The following SYNM variants were observed in gnomAD, a reference collection of about 807,000 sequenced individuals.
SYNM encodes synemin.
SYNM carries 95 observed loss-of-function variants against 104.0 expected under a neutral mutation model. That is an observed-to-expected ratio of 0.91 (90% CI 0.77 to 1.08). The LOEUF (loss-of-function observed/expected upper bound fraction) is 1.08, where lower values mean the gene tolerates loss of function less well. Among genes scored for constraint, SYNM ranks in the 50% least tolerant of loss-of-function variants. The pLI, the probability that SYNM is intolerant of heterozygous loss-of-function variation, is 0.00. For missense variants in SYNM, 2,150 were observed against 2,052.2 expected (o/e 1.05, Z -0.92); for synonymous variants, 918 against 869.0 (o/e 1.06, Z -0.99).
chr15:99,130,623 T>TA lies in SYNM; in HGVS notation c.2264dup (p.Tyr755Ter). Residue 755 changes from tyrosine (Y) to a stop codon, truncating the protein, a stop_gained and frameshift_variant, in exon 4 of 4, where the codon TAT (tyrosine) becomes TAAT (stop). Coordinates refer to ENST00000336292, the MANE Select transcript of SYNM (RefSeq NM_145728.3). LOFTEE classifies it high-confidence loss of function. ...GGAGATCGTGGAGGAGCCCGTGAGT[T>TA]ATGTCAGCGGGGAGAAGCCGGAGGA... ...NVEIVEEPVS[Y>*]VSGEKPEEFS... 2 of 1,613,348 alleles carry TA rather than the reference T, an allele frequency of 1.2e-6. No homozygotes were observed. Among genetic ancestry groups the TA allele is most frequent in the Non-Finnish European group, 1.7e-6 (2 of 1,179,662 alleles).
Position 99,129,495 on chromosome 15 carries a change from T to TC in SYNM, c.1136dup (p.Gly380ArgfsTer14), listed in dbSNP as rs2067477288. 6.2e-7 allele frequency: 1 copy of TC among 1,613,874 alleles called. No homozygotes were observed. The highest frequency in any genetic ancestry group is 1.3e-5 in the African/African-American group (1 of 74,908). On this transcript the variant is annotated frameshift_variant, in exon 4 of 4. Transcript: ENST00000336292. LOFTEE classifies it low-confidence loss of function (END_TRUNC). ...CAGCTCGGCACTGTATTCTAACCTGTCAGGGCACCGTGGATCTCAGACGGG... is the reference window on the plus strand; with the variant it reads ...CAGCTCGGCACTGTATTCTAACCTGTCCAGGGCACCGTGGATCTCAGACGGG...
In SYNM at chr15:99,106,020, G is replaced by C. The variant is rs1356781281; in HGVS notation, c.810+11G>C. The C allele has an allele frequency of 5.6e-6, 8 of 1,439,412 alleles. No individual in the cohort carries two copies. The East Asian group carries it at 1.6e-4, about 29-fold the overall frequency. The allele number at this position is 1,439,412 out of a possible 1,614,324, so 89.2% of individuals were successfully genotyped here. On this transcript the variant is annotated intron_variant, in intron 1 of 3. Transcript: ENST00000336292. ...GCCGAGGAGCGGCAGGTCCGTGCGC[G>C]GGGATGGCGCGCTGACCCCATACCC...
chr15:99,111,542 T>C (rs2067299743), intron 1 of SYNM, among the ~76,000 whole-genome samples: 1 of 152,232 alleles, frequency 6.6e-6, no homozygotes, highest in African/African-American at 2.4e-5. Context: ...TCTCTGTTTG[T>C]AATGCCAGCT....
chr15:99,106,268 C>T (rs566235991), intron 1 of SYNM, among the ~76,000 whole-genome samples: 3 of 152,200 alleles, frequency 2.0e-5, no homozygotes, highest in Non-Finnish European at 4.4e-5. Context: ...GCTGCTTTAA[C>T]TCTTGACAAG....
At chr15:99,108,513 A>C (rs573107653) in intron 1 of SYNM, among the ~76,000 whole-genome samples, 2 of 152,236 alleles carry the variant, frequency 1.3e-5, no homozygotes, top group African/African-American at 2.4e-5. Context: ...TACTATGGGG[A>C]GAGTGAAAAA....
chr15:99,119,583 G>A (rs1489778822), intron 2 of SYNM, among the ~76,000 whole-genome samples: 1 of 152,196 alleles, frequency 6.6e-6, no homozygotes, highest in African/African-American at 2.4e-5. Context: ...GCATGCGGCA[G>A]TCCCCTTAGA....
At position 99,132,542 on chromosome 15, in the gene SYNM, A is replaced by G; in HGVS notation, c.4182A>G (p.Thr1394=). Residue 1394 remains threonine (T), a synonymous_variant, in exon 4 of 4, where the codon ACA becomes ACG. Coordinates refer to ENST00000336292, the MANE Select transcript of SYNM (RefSeq NM_145728.3). ...SAEDTSGAEM[T]SGVSRSFRHI... ...AGGACACATCAGGGGCAGAAATGACATCGGGTGTTAGCAGATCCTTTAGGC... is the reference window on the plus strand; with the variant it reads ...AGGACACATCAGGGGCAGAAATGACGTCGGGTGTTAGCAGATCCTTTAGGC... 1.2e-6 allele frequency: 2 copies of G among 1,614,060 alleles called. No homozygotes were observed. The highest frequency in any genetic ancestry group is 8.5e-7 in the Non-Finnish European group (1 of 1,179,898).
chr15:99,106,973 A>G (rs548756023), intron 1 of SYNM, among the ~76,000 whole-genome samples: 1 of 152,346 alleles, frequency 6.6e-6, no homozygotes, highest in South Asian at 2.1e-4. Flanking sequence ...AGTGAGAGGA[A>G]CATGGGGGTT....
In SYNM at chr15:99,105,571, GGGCGCGCGCGCCGCCCTCGA is replaced by G; in HGVS notation, c.378_397del (p.Arg127AlafsTer141). On this transcript the variant is annotated frameshift_variant, in exon 1 of 4. Transcript: ENST00000336292. LOFTEE classifies it high-confidence loss of function. ...AGCAGCGCGAGCTGCAGGAGGCGCT[GGGCGCGCGCGCCGCCCTCGA>G]GGCGCTGCTGGGCCGGCTGCAGGCC... is the stretch of plus-strand genomic sequence containing the variant. 1 of 1,164,374 alleles carries G rather than the reference GGGCGCGCGCGCCGCCCTCGA, an allele frequency of 8.6e-7. No individual in the cohort carries two copies. The highest frequency in any genetic ancestry group is 1.1e-6 in the Non-Finnish European group (1 of 947,696). The allele number at this position is 1,164,374 out of a possible 1,614,324, so 72.1% of individuals were successfully genotyped here. A position where few individuals can be genotyped will look rare whatever the true frequency, so the allele number is the denominator to read the frequency against.
At chr15:99,137,805 A>G (rs1555487820), downstream of SYNM, 8 of 746,810 alleles carry the variant, frequency 1.1e-5, no homozygotes, top group Non-Finnish European at 1.7e-5. Flanking sequence ...ACTGCTTTAT[A>G]GCATATATCA....
downstream of SYNM, chr15:99,139,535 G>T: frequency 6.5e-7 from 1 of 1,549,478 alleles, no homozygotes; most frequent in Non-Finnish European, 8.7e-7. Flanking sequence ...CTCCTGGGAT[G>T]TCTCCTAGTG....
chr15:99,130,867 A>T lies in SYNM; in HGVS notation c.2507A>T (p.Asp836Val). The T allele has an allele frequency of 1.9e-6, 3 of 1,613,994 alleles. No homozygotes were observed. Among genetic ancestry groups the T allele is most frequent in the African/African-American group, 1.3e-5 (1 of 75,036 alleles). ...GEQSYFVSTP[D>V]EHPGGHDRDD... ...CAGAGTTATTTTGTGTCCACTCCAG[A>T]TGAACACCCCGGGGGGCACGACAGA... The change falls in exon 4 of 4, where the codon GAT becomes GTT. Residue 836 changes from aspartate to valine, a missense_variant. Transcript: ENST00000336292.
chr15:99,122,930 A>G (rs145710599), intron 2 of SYNM, among the ~76,000 whole-genome samples: 5 of 152,362 alleles, frequency 3.3e-5, no homozygotes, highest in Non-Finnish European at 7.3e-5. Flanking sequence ...TCAGTTAACT[A>G]TAAAATACAG....
At chr15:99,114,850 T>C (rs1173108883) in intron 2 of SYNM, among the ~76,000 whole-genome samples, 1 of 152,064 alleles carries the variant, frequency 6.6e-6, no homozygotes, top group Admixed American at 6.5e-5. Flanking sequence ...GCTCTCATGC[T>C]CAGGGCAGCT....
chr15:99,122,710 G>A (rs141208351), intron 2 of SYNM, among the ~76,000 whole-genome samples: 2,909 of 152,162 alleles, frequency 0.019, 40 homozygotes, highest in Non-Finnish European at 0.029. Context: ...GTGGTGGCAC[G>A]TGCCTGTAGT....
intron 1 of SYNM, among the ~76,000 whole-genome samples, chr15:99,107,498 A>G (rs1466041161): frequency 1.3e-5 from 2 of 152,216 alleles, no homozygotes; most frequent in Non-Finnish European, 2.9e-5. Flanking sequence ...CTGTGCAGGC[A>G]GGTTTAGAAA....
downstream of SYNM, chr15:99,137,658 G>A (rs2067698171): frequency 4.2e-6 from 1 of 235,666 alleles, no homozygotes; most frequent in African/African-American, 2.2e-5. Flanking sequence ...CCTATGCAAG[G>A]AGCTGTGTGT....
intron 2 of SYNM, among the ~76,000 whole-genome samples, chr15:99,126,448 T>C (rs544837260): frequency 6.6e-6 from 1 of 152,222 alleles, no homozygotes; most frequent in Non-Finnish European, 1.5e-5. Context: ...CCTGGCCTGG[T>C]CATTTTGTTC....
At position 99,130,611 on chromosome 15, in the gene SYNM, G is replaced by A. The variant is rs1279647149; in HGVS notation, c.2251G>A (p.Glu751Lys). 6.2e-6 allele frequency: 10 copies of A among 1,613,538 alleles called. No individual in the cohort carries two copies. The highest frequency in any genetic ancestry group is 7.6e-6 in the Non-Finnish European group (9 of 1,179,734). ...AKVVNVEIVE[E>K]PVSYVSGEKP... The stretch of plus-strand genomic sequence containing the variant: ...GGTCGTCAACGTGGAGATCGTGGAG[G>A]AGCCCGTGAGTTATGTCAGCGGGGA... The change falls in exon 4 of 4, where the codon GAG (glutamate) becomes AAG (lysine). Residue 751 changes from glutamate (E) to lysine (K), a missense_variant. Coordinates refer to ENST00000336292, the MANE Select transcript of SYNM (RefSeq NM_145728.3).
Sources: allele counts gnomAD v4.1 joint callset (sites outside exome capture counted in the v4.1 genomes callset), GRCh38; gene constraint gnomAD v4.1.1; transcripts MANE v1.5; gene names NCBI Gene and HGNC (gene_info 2026-07-23, HGNC 2026-07-21).